Variants in KCND2 observed in about 807,000 individuals in gnomAD.
KCND2 encodes potassium voltage-gated channel subfamily D member 2, also known as A-type voltage-gated potassium channel KCND2.
In KCND2, 16 loss-of-function variants were observed where a neutral mutation model predicts 54.4. That is an observed-to-expected ratio of 0.29 (90% confidence interval 0.20 to 0.45). KCND2 has a LOEUF of 0.45. Ranked by LOEUF, KCND2 falls within the 20% of genes least tolerant of loss-of-function variation. The pLI is 1.00. For missense variants in KCND2, 486 were observed against 824.2 expected (o/e 0.59, Z 5.02); for synonymous variants, 317 against 310.7 (o/e 1.02, Z -0.21).
chr7:120,421,425 C>T (rs778618844), intron 1 of KCND2, among the ~76,000 whole-genome samples: 2 of 152,210 alleles, frequency 1.3e-5, no homozygotes, highest in Non-Finnish European at 2.9e-5. Flanking sequence ...CCTGCACACA[C>T]ACAACACTCT....
chr7:120,485,289 T>C (rs973293598), intron 1 of KCND2, among the ~76,000 whole-genome samples: 4 of 152,198 alleles, frequency 2.6e-5, no homozygotes, highest in Non-Finnish European at 5.9e-5. Flanking sequence ...TTCTGGACAT[T>C]ATTTCTACAA....
intron 1 of KCND2, among the ~76,000 whole-genome samples, chr7:120,351,398 ACACACACACACACACTCTCTCTCT>A (rs1800401593): frequency 6.7e-6 from 1 of 148,490 alleles, no homozygotes; most frequent in Admixed American, 6.7e-5. Flanking sequence ...ACACACACAC[ACACACACACACACACTCTCTCTCT>A]CTCTCTCTCT....
intron 1 of KCND2, among the ~76,000 whole-genome samples, chr7:120,690,802 T>A (rs1048802554): frequency 1.1e-4 from 16 of 152,156 alleles, no homozygotes; most frequent in African/African-American, 3.6e-4. Flanking sequence ...CCCTTATGGA[T>A]CTTACATTCT....
chr7:120,554,291 G>C (rs1792135811), intron 1 of KCND2, among the ~76,000 whole-genome samples: 2 of 152,202 alleles, frequency 1.3e-5, no homozygotes, highest in African/African-American at 4.8e-5. Flanking sequence ...GGTTAGAGCA[G>C]CGGTTCTCAA....
chr7:120,584,024 T>C (rs1290962058), intron 1 of KCND2, among the ~76,000 whole-genome samples: 1 of 152,228 alleles, frequency 6.6e-6, no homozygotes, highest in African/African-American at 2.4e-5. Flanking sequence ...AGGAAGTAGC[T>C]AATGTATCCA....
At chr7:120,587,840 GA>G (rs1199384311) in intron 1 of KCND2, among the ~76,000 whole-genome samples, 2 of 151,980 alleles carry the variant, frequency 1.3e-5, no homozygotes, top group East Asian at 1.9e-4. Flanking sequence ...TCAAATGATA[GA>G]AAAAAATAAT....
chr7:120,330,934 A>C (rs1800058827), intron 1 of KCND2, among the ~76,000 whole-genome samples: 1 of 152,188 alleles, frequency 6.6e-6, no homozygotes, highest in South Asian at 2.1e-4. Context: ...AAAAACATCT[A>C]AATGAAATTA....
chr7:120,613,585 A>G (rs1792984488), intron 1 of KCND2, among the ~76,000 whole-genome samples: 3 of 152,126 alleles, frequency 2.0e-5, no homozygotes, highest in Admixed American at 2.0e-4. Flanking sequence ...AAAAACAGTT[A>G]TAATTTAGCA....
At chr7:120,577,697 TGCCTCA>T (rs1369486914) in intron 1 of KCND2, among the ~76,000 whole-genome samples, 5 of 152,188 alleles carry the variant, frequency 3.3e-5, no homozygotes, top group Admixed American at 6.5e-5. Flanking sequence ...ACAATTCTCC[TGCCTCA>T]GCCTCTCACG....
chr7:120,603,156 A>G (rs1186011098), intron 1 of KCND2, among the ~76,000 whole-genome samples: 1 of 152,226 alleles, frequency 6.6e-6, no homozygotes, highest in African/African-American at 2.4e-5. Context: ...CTGATTCTTC[A>G]TCTTTTCATT....
At chr7:120,620,692 A>G (rs1793086803) in intron 1 of KCND2, among the ~76,000 whole-genome samples, 1 of 152,186 alleles carries the variant, frequency 6.6e-6, no homozygotes, top group South Asian at 2.1e-4. Context: ...AATAAGTGTG[A>G]TGATACTAGG....
intron 1 of KCND2, among the ~76,000 whole-genome samples, chr7:120,425,947 A>AT (rs5886985): frequency 7.7e-4 from 111 of 144,848 alleles, no homozygotes; most frequent in South Asian, 1.1e-3. Flanking sequence ...TCTTGACTCT[A>AT]TTTTTTTTTT....
At chr7:120,587,892 T>C (rs1792620093) in intron 1 of KCND2, among the ~76,000 whole-genome samples, 1 of 152,154 alleles carries the variant, frequency 6.6e-6, no homozygotes. Flanking sequence ...TCCTACAGGT[T>C]TTGTGGTAGA....
In KCND2 at chr7:120,388,905, T is replaced by TAC. The variant is rs546057011; in HGVS notation, c.1115+113166_1115+113167dup. On this transcript the variant is annotated intron_variant, in intron 1 of 5. Transcript: ENST00000331113. The stretch of plus-strand genomic sequence containing the variant: ...ATATATACATGTATATATATATATA[T>TAC]ACACACACATACATACATATAGTAA... Among the ~76,000 whole-genome samples the TAC allele has an allele frequency of 9.5e-4, 142 of 150,238 alleles. No homozygotes were observed. In the Middle Eastern group the frequency reaches 0.014, roughly 15 times the overall value.
intron 1 of KCND2, among the ~76,000 whole-genome samples, chr7:120,507,213 AG>A: frequency 6.6e-6 from 1 of 151,924 alleles, no homozygotes; most frequent in Middle Eastern, 3.4e-3. Flanking sequence ...AGACTTCAAA[AG>A]GATAGCAGGA....
intron 1 of KCND2, among the ~76,000 whole-genome samples, chr7:120,450,240 T>C (rs1802082497): frequency 6.6e-6 from 1 of 152,106 alleles, no homozygotes; most frequent in South Asian, 2.1e-4. Flanking sequence ...TGAAACCCCG[T>C]CTTTACTAAA....
At chr7:120,604,717 T>C (rs1429346788) in intron 1 of KCND2, among the ~76,000 whole-genome samples, 1 of 151,968 alleles carries the variant, frequency 6.6e-6, no homozygotes, top group African/African-American at 2.4e-5. Flanking sequence ...TTAATGATTG[T>C]GGAAACAGAC....
At chr7:120,407,721 TATA>T (rs570406563) in intron 1 of KCND2, among the ~76,000 whole-genome samples, 53 of 150,456 alleles carry the variant, frequency 3.5e-4, no homozygotes, top group African/African-American at 1.0e-3. Context: ...AATATAAAAA[TATA>T]ATAATATAAT....
At position 120,273,436 on chromosome 7, in the gene KCND2, A is replaced by C. The variant is rs181685823; in HGVS notation, c.-1197A>C. Among the ~76,000 whole-genome samples the C allele has an allele frequency of 0.16, 22,688 of 144,946 alleles. 1,813 individuals carry two copies. The highest frequency in any genetic ancestry group is 0.17 in the Admixed American group (2,530 of 14,682). ...CCGCCCCGCAGCCCCGCCGCCCCGC[A>C]GCCCCGCACCGCGCTGGCCAGGCTC... On this transcript the variant is annotated 5_prime_UTR_variant, in exon 1 of 6. Transcript: ENST00000331113.
Sources: allele counts gnomAD v4.1 joint callset (sites outside exome capture counted in the v4.1 genomes callset), GRCh38; gene constraint gnomAD v4.1.1; transcripts MANE v1.5; gene names NCBI Gene and HGNC (gene_info 2026-07-23, HGNC 2026-07-21).